Variants in GPR176 observed in about 807,000 individuals in gnomAD.
GPR176 encodes G-protein coupled receptor 176.
A neutral mutation model predicts 35.4 loss-of-function variants in GPR176; 26 were observed. That is an observed-to-expected ratio of 0.74 (90% CI 0.54 to 1.02). The LOEUF is 1.02. Among genes scored for constraint, GPR176 ranks in the 50% least tolerant of loss-of-function variants. The pLI is 0.00. For synonymous variants in GPR176, 278 were observed against 271.3 expected (o/e 1.02, Z -0.24); for missense variants, 597 against 665.3 (o/e 0.90, Z 1.13).
At position 39,799,249 on chromosome 15, in the gene GPR176, G is replaced by A. The variant is rs1414816265; in HGVS notation, c.*1883C>T. 6.6e-6 allele frequency: 1 copy of A among 152,228 alleles called. No individual in the cohort carries two copies. The highest frequency in any genetic ancestry group is 2.4e-5 in the African/African-American group (1 of 41,464). 9.4% of individuals were successfully genotyped at this position (152,228 alleles called of 1,614,324 possible). ...TCCTAAAGTGGACATAATTTTCCTA[G>A]AGATTATTATTCCCCTTGATAAAAG... On this transcript the variant is annotated 3_prime_UTR_variant, in exon 3 of 3. Coordinates refer to ENST00000561100, the MANE Select transcript of GPR176 (RefSeq NM_007223.3).
intron 1 of GPR176, among the ~76,000 whole-genome samples, chr15:39,844,410 T>A (rs1216468684): frequency 1.3e-5 from 2 of 152,066 alleles, no homozygotes; most frequent in Non-Finnish European, 2.9e-5. Context: ...ATTATATAGC[T>A]ATCAGTTTAG....
Position 39,919,944 on chromosome 15 carries a change from C to A in GPR176, c.83G>T (p.Arg28Leu), listed in dbSNP as rs1483931161. ...ASGAEAAGVNRSALGEFGEAQ... is the reference protein window; with the variant it reads ...ASGAEAAGVNLSALGEFGEAQ... Reference sequence around the variant, plus strand: ...CTCGCCGAACTCCCCGAGCGCGCTGCGGTTCACACCCGCAGCCTCGGCGCC... The same window carrying A: ...CTCGCCGAACTCCCCGAGCGCGCTGAGGTTCACACCCGCAGCCTCGGCGCC... Residue 28 changes from arginine to leucine, a missense_variant, in exon 1 of 3, where the codon CGC (arginine) becomes CTC (leucine). By Grantham distance (102) the Arg-to-Leu change is moderately radical. Transcript: ENST00000561100. 1.6e-5 allele frequency: 24 copies of A among 1,507,304 alleles called. No homozygotes were observed. Among genetic ancestry groups the A allele is most frequent in the Non-Finnish European group, 1.9e-5 (22 of 1,130,422 alleles). The allele number at this position is 1,507,304 out of a possible 1,614,324, so 93.4% of individuals were successfully genotyped here.
intron 1 of GPR176, among the ~76,000 whole-genome samples, chr15:39,864,933 A>G (rs980138691): frequency 6.4e-5 from 9 of 141,298 alleles, no homozygotes; most frequent in South Asian, 2.2e-4. Context: ...AGGCATGTGG[A>G]AAAAAAAAAA....
intron 1 of GPR176, among the ~76,000 whole-genome samples, chr15:39,845,987 G>T (rs1467601949): frequency 6.6e-6 from 1 of 152,192 alleles, no homozygotes; most frequent in Non-Finnish European, 1.5e-5. Context: ...ACAAGGTTGT[G>T]CCCTGTGGGC....
chr15:39,834,244 T>C (rs1030547247), intron 1 of GPR176, among the ~76,000 whole-genome samples: 2 of 152,134 alleles, frequency 1.3e-5, no homozygotes, highest in African/African-American at 4.8e-5. Context: ...TTTAAAAAGT[T>C]TTAAACCCAC....
At chr15:39,919,834 G>C in intron 1 of GPR176, 21 bp downstream of exon 1, 1 of 1,384,152 alleles carries the variant, frequency 7.2e-7, no homozygotes. Flanking sequence ...CCGGTCCGGA[G>C]GCGCCCCGCG....
At chr15:39,914,070 A>AAAAACACC (rs2033659215) in intron 1 of GPR176, among the ~76,000 whole-genome samples, 1 of 152,274 alleles carries the variant, frequency 6.6e-6, no homozygotes, top group African/African-American at 2.4e-5. Flanking sequence ...CAAACAAACA[A>AAAAACACC]AAAACACCAC....
intron 1 of GPR176, among the ~76,000 whole-genome samples, chr15:39,815,656 G>C (rs1426688211): frequency 6.6e-6 from 1 of 152,194 alleles, no homozygotes; most frequent in African/African-American, 2.4e-5. Context: ...CCTGCTTATA[G>C]AATCTATCAA....
chr15:39,900,796 A>G (rs1384995322), intron 1 of GPR176, among the ~76,000 whole-genome samples: 1 of 152,234 alleles, frequency 6.6e-6, no homozygotes, highest in African/African-American at 2.4e-5. Context: ...CATGGTGCAC[A>G]TGGTCTGAAG....
intron 1 of GPR176, among the ~76,000 whole-genome samples, chr15:39,866,913 G>GC (rs1169614252): frequency 6.6e-6 from 1 of 152,134 alleles, no homozygotes; most frequent in East Asian, 1.9e-4. Context: ...GAGTAGTGGT[G>GC]CCCGTGTTCT....
chr15:39,853,627 A>C (rs896634044), intron 1 of GPR176, among the ~76,000 whole-genome samples: 1 of 152,168 alleles, frequency 6.6e-6, no homozygotes, highest in Non-Finnish European at 1.5e-5. Flanking sequence ...CCTCTAGAAT[A>C]GTGGCTCTCA....
At position 39,801,827 on chromosome 15, in the gene GPR176, G is replaced by A. The variant is rs746930931; in HGVS notation, c.853C>T (p.Leu285=). 1 of 1,613,900 alleles carries A rather than the reference G, an allele frequency of 6.2e-7. No homozygotes were observed. Among genetic ancestry groups the A allele is most frequent in the Admixed American group, 1.7e-5 (1 of 60,018 alleles). The part of the protein sequence containing the change: ...FILCSVPYAT[L]VVYQTVLNVP... The stretch of plus-strand genomic sequence containing the variant: ...TTGAGCACAGTCTGGTAGACGACCA[G>A]GGTGGCATAGGGCACGCTACACAAG... The change falls in exon 3 of 3, where the codon CTG becomes TTG. Residue 285 remains leucine, a synonymous_variant. Transcript: ENST00000561100.
rs139247992 is a variant in GPR176 at position 39,801,431 on chromosome 15, G to A, written c.1249C>T (p.Gln417Ter). 1 of 1,614,188 alleles carries A rather than the reference G, an allele frequency of 6.2e-7. No homozygotes were observed. The highest frequency in any genetic ancestry group is 8.5e-7 in the Non-Finnish European group (1 of 1,180,006). Residue 417 changes from glutamine (Q) to a stop codon, truncating the protein, a stop_gained, in exon 3 of 3, where the codon CAG (glutamine) becomes TAG (stop). Coordinates refer to ENST00000561100, the MANE Select transcript of GPR176 (RefSeq NM_007223.3). LOFTEE classifies it high-confidence loss of function. ...AGGGGTGGGGCAGAGGGCGCAAACT[G>A]TGGCCCCTGCTCTCCCTCCAGGCAG... ...STCLEGEQGPQFAPSAPPLST... is the reference protein window; with the variant it reads ...STCLEGEQGP
intron 1 of GPR176, among the ~76,000 whole-genome samples, chr15:39,831,740 C>T (rs1901088527): frequency 1.3e-5 from 2 of 152,142 alleles, no homozygotes; most frequent in East Asian, 3.9e-4. Flanking sequence ...GATTGCATCC[C>T]TCCAGTGGCC....
intron 1 of GPR176, among the ~76,000 whole-genome samples, chr15:39,893,274 G>A (rs1188688873): frequency 6.6e-6 from 1 of 152,032 alleles, no homozygotes; most frequent in East Asian, 1.9e-4. Context: ...TTGTGTCCCT[G>A]GGTACTTGAG....
At chr15:39,865,765 A>G (rs1474566577) in intron 1 of GPR176, among the ~76,000 whole-genome samples, 2 of 152,232 alleles carry the variant, frequency 1.3e-5, no homozygotes, top group Admixed American at 6.5e-5. Flanking sequence ...TGGAAAAAAT[A>G]TCTAACAAAT....
At chr15:39,913,003 C>T (rs189260396) in intron 1 of GPR176, among the ~76,000 whole-genome samples, 70 of 152,164 alleles carry the variant, frequency 4.6e-4, no homozygotes, top group African/African-American at 1.5e-3. Flanking sequence ...AAAACTTGTA[C>T]GTAAATATTC....
rs143963422 is a variant in GPR176, at chr15:39,904,136, TGGTTTTGGTG to T, written c.172+15709_172+15718del. Among the ~76,000 whole-genome samples, 306 of 152,294 alleles carry T rather than the reference TGGTTTTGGTG, an allele frequency of 2.0e-3. 4 individuals are homozygous for T. The East Asian group carries it at 0.055, about 27-fold the overall frequency. Reference sequence around the variant, plus strand: ...CCAGAGGTCACTCTCGTTGTCATCTTGGTTTTGGTGGGTTTTGGCTGGCTTTTTTACTGCA... The same window carrying T: ...CCAGAGGTCACTCTCGTTGTCATCTTGGTTTTGGCTGGCTTTTTTACTGCA... On this transcript the variant is annotated intron_variant, in intron 1 of 2. Coordinates refer to ENST00000561100, the MANE Select transcript of GPR176 (RefSeq NM_007223.3).
intron 1 of GPR176, among the ~76,000 whole-genome samples, chr15:39,881,779 C>T (rs2032485614): frequency 6.6e-6 from 1 of 152,132 alleles, no homozygotes; most frequent in Non-Finnish European, 1.5e-5. Flanking sequence ...AACAAAAATC[C>T]TAGACCTCAC....
Sources: allele counts gnomAD v4.1 joint callset (sites outside exome capture counted in the v4.1 genomes callset), GRCh38; gene constraint gnomAD v4.1.1; transcripts MANE v1.5; gene names NCBI Gene and HGNC (gene_info 2026-07-23, HGNC 2026-07-21).